The following MACROD2 variants were observed in gnomAD, a reference collection of about 807,000 sequenced individuals.
MACROD2 encodes the protein ADP-ribose glycohydrolase MACROD2.
MACROD2 carries 36 observed loss-of-function variants against 70.4 expected under a neutral mutation model. The ratio of observed to expected loss-of-function variants is 0.51; its 90% CI spans 0.39 to 0.68. The LOEUF is 0.68. Ranked by LOEUF, MACROD2 falls within the 30% of genes least tolerant of loss-of-function variation. The pLI, the probability that MACROD2 is intolerant of heterozygous loss-of-function variation, is 0.00. For synonymous variants in MACROD2, 172 were observed against 178.8 expected (o/e 0.96, Z 0.30); for missense variants, 496 against 538.4 (o/e 0.92, Z 0.78).
At chr20:14,915,279 A>T (rs1228838967) in intron 5 of MACROD2, among the ~76,000 whole-genome samples, 1 of 152,218 alleles carries the variant, frequency 6.6e-6, no homozygotes, top group Non-Finnish European at 1.5e-5. Context: ...TAATGAAATC[A>T]GCATAGACTT....
At chr20:14,935,072 G>A (rs973293004) in intron 5 of MACROD2, 4 of 151,940 alleles carry the variant, frequency 2.6e-5, no homozygotes, top group South Asian at 2.1e-4. Context: ...AATGGGGATC[G>A]AACTGAGTGG....
chr20:15,906,881 T>C (rs186056346), intron 10 of MACROD2, among the ~76,000 whole-genome samples: 170 of 152,334 alleles, frequency 1.1e-3, no homozygotes, highest in African/African-American at 3.9e-3. Context: ...ATTTGTCCCA[T>C]TATTGACAAT....
At chr20:15,134,547 C>A (rs1214226090) in intron 5 of MACROD2, among the ~76,000 whole-genome samples, 1 of 152,042 alleles carries the variant, frequency 6.6e-6, no homozygotes, top group Non-Finnish European at 1.5e-5. Flanking sequence ...ATACCAGAAT[C>A]TCTGGGACAC....
intron 5 of MACROD2, among the ~76,000 whole-genome samples, chr20:14,950,628 T>C (rs938936357): frequency 3.3e-5 from 5 of 152,138 alleles, no homozygotes; most frequent in Non-Finnish European, 7.4e-5. Context: ...TCAAGCTTGG[T>C]GCACAGAAAC....
chr20:14,035,784 G>A (rs1231588680), intron 2 of MACROD2, among the ~76,000 whole-genome samples: 1 of 152,174 alleles, frequency 6.6e-6, no homozygotes, highest in Non-Finnish European at 1.5e-5. Flanking sequence ...CAGAGAAATG[G>A]AGGGGTAAAG....
chr20:14,760,251 G>A (rs961181552), intron 5 of MACROD2, among the ~76,000 whole-genome samples: 3 of 152,074 alleles, frequency 2.0e-5, no homozygotes, highest in Non-Finnish European at 1.5e-5. Context: ...CGCGTAGATG[G>A]CAAGTTCTTT....
intron 5 of MACROD2, among the ~76,000 whole-genome samples, chr20:14,699,706 A>G (rs776534043): frequency 6.6e-6 from 1 of 152,218 alleles, no homozygotes; most frequent in African/African-American, 2.4e-5. Context: ...TTTAATACCT[A>G]TGTGAAAACT....
Position 15,533,583 on chromosome 20 carries a change from T to C in MACROD2, c.645+33736T>C, listed in dbSNP as rs921003001. ...TCTCTCTCTCTCTCTCTCTCTCTCTTTTTAAGAAGAAACTCAGTCCCAGTG... is the reference window on the plus strand; with the variant it reads ...TCTCTCTCTCTCTCTCTCTCTCTCTCTTTAAGAAGAAACTCAGTCCCAGTG... On this transcript the variant is annotated intron_variant, in intron 8 of 17. Transcript: ENST00000684519. Among the ~76,000 whole-genome samples, 24 of 140,324 alleles carry C rather than the reference T, an allele frequency of 1.7e-4. 1 individual carries two copies. In the Middle Eastern group the frequency reaches 0.011, roughly 66 times the overall value. 92.1% of individuals were successfully genotyped at this position (140,324 alleles called of 152,430 possible).
At chr20:14,938,866 A>G (rs2122700512) in intron 5 of MACROD2, among the ~76,000 whole-genome samples, 1 of 151,350 alleles carries the variant, frequency 6.6e-6, no homozygotes, top group South Asian at 2.1e-4. Flanking sequence ...ATGATTTGTA[A>G]CAAATCAAAT....
intron 4 of MACROD2, among the ~76,000 whole-genome samples, chr20:14,588,998 T>C (rs552440298): frequency 6.6e-6 from 1 of 152,328 alleles, no homozygotes; most frequent in South Asian, 2.1e-4. Flanking sequence ...TGTTTTTATA[T>C]TAATTTTAGT....
At chr20:15,082,938 T>C (rs2075716531) in intron 5 of MACROD2, among the ~76,000 whole-genome samples, 1 of 152,182 alleles carries the variant, frequency 6.6e-6, no homozygotes, top group Non-Finnish European at 1.5e-5. Flanking sequence ...AATTATGTTA[T>C]TTCTGATGTC....
intron 3 of MACROD2, among the ~76,000 whole-genome samples, chr20:14,273,126 G>C (rs2082212808): frequency 6.6e-6 from 1 of 152,102 alleles, no homozygotes; most frequent in Non-Finnish European, 1.5e-5. Flanking sequence ...ATTGAACTCA[G>C]CTCTGCACCA....
chr20:14,249,128 G>GTC lies in MACROD2; in HGVS notation c.271+163401_271+163402insCT, dbSNP rs1555773444. Among the ~76,000 whole-genome samples the GTC allele has an allele frequency of 2.3e-4, 24 of 103,064 alleles. 1 individual carries two copies. The highest frequency in any genetic ancestry group is 3.3e-4 in the East Asian group (1 of 3,060). The allele number at this position is 103,064 out of a possible 152,430, so 67.6% of individuals were successfully genotyped here. The stretch of plus-strand genomic sequence containing the variant: ...GGTATTCTTTTCTATGATTTCAAAG[G>GTC]TTTTTTTTTTTTTTTTTTTTTTGGT... On this transcript the variant is annotated intron_variant, in intron 3 of 17. Transcript: ENST00000684519.
chr20:15,165,364 G>A (rs2076376699), intron 5 of MACROD2, among the ~76,000 whole-genome samples: 1 of 152,208 alleles, frequency 6.6e-6, no homozygotes, highest in East Asian at 1.9e-4. Context: ...GCTGAGGCAG[G>A]AGAATGGCTT....
intron 5 of MACROD2, among the ~76,000 whole-genome samples, chr20:15,182,760 AT>A (rs1441558830): frequency 6.6e-6 from 1 of 152,122 alleles, no homozygotes; most frequent in African/African-American, 2.4e-5. Context: ...TTCACATAGC[AT>A]TTCTTTACTC....
chr20:15,319,388 A>G (rs950993056), intron 6 of MACROD2, among the ~76,000 whole-genome samples: 2 of 152,218 alleles, frequency 1.3e-5, no homozygotes, highest in East Asian at 1.9e-4. Flanking sequence ...ACCCAATGCT[A>G]TGTATAGATT....
intron 15 of MACROD2, among the ~76,000 whole-genome samples, chr20:16,012,716 T>C (rs971639784): frequency 6.6e-6 from 1 of 152,264 alleles, no homozygotes; most frequent in African/African-American, 2.4e-5. Context: ...TAAGTTATTT[T>C]GGTTTACTAT....
At chr20:14,214,725 A>G (rs1042763576) in intron 3 of MACROD2, among the ~76,000 whole-genome samples, 2 of 151,192 alleles carry the variant, frequency 1.3e-5, no homozygotes, top group South Asian at 2.1e-4. Flanking sequence ...ATACTGCACC[A>G]TATTTGTAGT....
At chr20:15,256,381 T>C (rs1193165777) in intron 6 of MACROD2, among the ~76,000 whole-genome samples, 2 of 152,016 alleles carry the variant, frequency 1.3e-5, no homozygotes, top group Non-Finnish European at 2.9e-5. Context: ...TATTATATAA[T>C]TGAAGTAAAT....
Sources: allele counts gnomAD v4.1 joint callset (sites outside exome capture counted in the v4.1 genomes callset), GRCh38; gene constraint gnomAD v4.1.1; transcripts MANE v1.5; gene names NCBI Gene and HGNC (gene_info 2026-07-23, HGNC 2026-07-21).